CTDSP1: variants seen among roughly 807,000 people sequenced by gnomAD.
CTDSP1 encodes carboxy-terminal domain RNA polymerase II polypeptide A small phosphatase 1.
CTDSP1 carries 15 observed loss-of-function variants against 32.5 expected under a neutral mutation model. The ratio of observed to expected loss-of-function variants is 0.46; its 90% CI spans 0.31 to 0.71. The LOEUF (loss-of-function observed/expected upper bound fraction) is 0.71, where lower values mean the gene tolerates loss of function less well. CTDSP1 is among the 30% of genes least tolerant of loss of function. The pLI is 0.05. For synonymous variants in CTDSP1, 185 were observed against 145.4 expected (o/e 1.27, Z -1.96); for missense variants, 294 against 351.1 (o/e 0.84, Z 1.30).
intron 2 of CTDSP1, 33 bp downstream of exon 2, chr2:218,401,745 C>G (rs777898337): frequency 1.3e-6 from 2 of 1,522,008 alleles, no homozygotes; most frequent in Non-Finnish European, 1.8e-6. Flanking sequence ...CACGGGGGCA[C>G]CTGGACTCAG....
chr2:218,402,288 G>A (rs1411810881), intron 3 of CTDSP1, 61 bp from the exon 4 acceptor site: 8 of 1,612,092 alleles, frequency 5.0e-6, no homozygotes, highest in Non-Finnish European at 6.8e-6. Context: ...AGGGAGGTGT[G>A]TGCTGGACCC....
At chr2:218,403,155 C>G (rs1280344423) in intron 5 of CTDSP1, 28 bp downstream of exon 5, 2 of 1,613,426 alleles carry the variant, frequency 1.2e-6, no homozygotes, top group Non-Finnish European at 1.7e-6. Flanking sequence ...CCCGGGGCAA[C>G]CCTGCCCTCC....
chr2:218,401,714 T>C lies in CTDSP1; in HGVS notation c.216+2T>C. ...GAGGAGAATGGCGCCATCCCTAAGG[T>C]GCGTGGGGGCCAGGTGGGGCCACGG... On this transcript the variant is annotated splice_donor_variant, in intron 2 of 6. Transcript: ENST00000273062. LOFTEE classifies it high-confidence loss of function. 1.9e-6 allele frequency: 3 copies of C among 1,563,314 alleles called. No individual in the cohort carries two copies. Among genetic ancestry groups the C allele is most frequent in the Non-Finnish European group, 2.6e-6 (3 of 1,154,724 alleles).
In CTDSP1 at chr2:218,403,349, C is replaced by T; in HGVS notation, c.589C>T (p.Arg197Ter). 6.2e-7 allele frequency: 1 copy of T among 1,613,952 alleles called. No individual in the cohort carries two copies. The highest frequency in any genetic ancestry group is 8.5e-7 in the Non-Finnish European group (1 of 1,179,944). ...CGTGAAGGACCTGAGCCGGTTGGGT[C>T]GAGACCTGCGGCGGGTGCTCATCCT... ...NYVKDLSRLG[R>*]DLRRVLILDN... Residue 197 changes from arginine (R) to a stop codon, truncating the protein, a stop_gained, in exon 6 of 7, where the codon CGA becomes TGA. Transcript: ENST00000273062. LOFTEE classifies it high-confidence loss of function.
chr2:218,397,683 C>A (rs1032198118), upstream of CTDSP1, among the ~76,000 whole-genome samples: 8 of 152,122 alleles, frequency 5.3e-5, no homozygotes, highest in African/African-American at 1.2e-4. Flanking sequence ...GTGCATAAAG[C>A]GACCTCCACC....
intron 4 of CTDSP1, 98 bp from the exon 5 acceptor site, chr2:218,402,937 C>T: frequency 1.1e-6 from 1 of 870,534 alleles, no homozygotes; most frequent in Non-Finnish European, 1.9e-6. Context: ...AGTCTCCTTC[C>T]TGTGCGCCTC....
upstream of CTDSP1, chr2:218,399,863 T>C (rs1311979766): frequency 6.5e-6 from 8 of 1,232,696 alleles, no homozygotes; most frequent in African/African-American, 1.6e-5. Context: ...CTGGGTTCCA[T>C]GTTTGCATCC....
chr2:218,401,481 T>G, intron 1 of CTDSP1, 83 bp from the exon 2 acceptor site: 2 of 1,506,912 alleles, frequency 1.3e-6, no homozygotes, highest in South Asian at 1.2e-5. Flanking sequence ...TCCTCCTGGC[T>G]CAGGGGTTCA....
chr2:218,401,388 T>G, intron 1 of CTDSP1, 176 bp from the exon 2 acceptor site: 2 of 659,102 alleles, frequency 3.0e-6, no homozygotes, highest in East Asian at 2.8e-5. Context: ...AGCCTTGCAG[T>G]TGATTGTGGA....
chr2:218,397,659 A>G (rs1023344830), upstream of CTDSP1, among the ~76,000 whole-genome samples: 1 of 152,176 alleles, frequency 6.6e-6, no homozygotes, highest in Non-Finnish European at 1.5e-5. Context: ...ATGATAAAAC[A>G]GACAAAAAAT....
In CTDSP1 at chr2:218,404,553, C is replaced by T. The variant is rs529302292; in HGVS notation, c.*128C>T. The stretch of plus-strand genomic sequence containing the variant: ...ACACTCAGTGCCATGGGGAAGCGGG[C>T]GTCTCCCCCACCAGCCCCACCAGGC... On this transcript the variant is annotated 3_prime_UTR_variant, in exon 7 of 7. Transcript: ENST00000273062. The T allele has an allele frequency of 4.6e-5, 57 of 1,227,208 alleles. No individual in the cohort carries two copies. In the East Asian group the frequency reaches 5.4e-4, roughly 12 times the overall value. 76.0% of individuals were successfully genotyped at this position (1,227,208 alleles called of 1,614,324 possible).
chr2:218,402,659 C>G, intron 4 of CTDSP1: 1 of 766,344 alleles, frequency 1.3e-6, no homozygotes, highest in Non-Finnish European at 2.4e-6. Context: ...GGACCCAGTT[C>G]AAGTAATTCA....
At position 218,404,368 on chromosome 2, in the gene CTDSP1, A is replaced by G. The variant is rs906198194; in HGVS notation, c.729A>G (p.Gln243=). The change falls in exon 7 of 7, where the codon CAA becomes CAG. Residue 243 remains glutamine, a synonymous_variant. Transcript: ENST00000273062. ...ELHDLLPFFE[Q]LSRVDDVYSV... Reference sequence around the variant, plus strand: ...ACGACCTCCTCCCCTTCTTCGAGCAACTCAGCCGTGTGGACGACGTGTACT... The same window carrying G: ...ACGACCTCCTCCCCTTCTTCGAGCAGCTCAGCCGTGTGGACGACGTGTACT... 1 of 1,614,062 alleles carries G rather than the reference A, an allele frequency of 6.2e-7. No individual in the cohort carries two copies. Among genetic ancestry groups the G allele is most frequent in the Non-Finnish European group, 8.5e-7 (1 of 1,179,986 alleles).
In CTDSP1 at chr2:218,401,624, T is replaced by G; in HGVS notation, c.128T>G (p.Phe43Cys). Residue 43 changes from phenylalanine (F) to cysteine (C), a missense_variant, in exon 2 of 7, where the codon TTC becomes TGC. Phe to Cys is a radical substitution (Grantham distance 205). Coordinates refer to ENST00000273062, the MANE Select transcript of CTDSP1 (RefSeq NM_021198.3). ...PRSRGILHSLFCCVCRDDGEA... is the reference protein window; with the variant it reads ...PRSRGILHSLCCCVCRDDGEA... ...AGCCGGGGCATCCTCCACTCACTCTTCTGCTGTGTCTGCCGGGATGATGGG... is the reference window on the plus strand; with the variant it reads ...AGCCGGGGCATCCTCCACTCACTCTGCTGCTGTGTCTGCCGGGATGATGGG... 6.2e-7 allele frequency: 1 copy of G among 1,613,648 alleles called. No homozygotes were observed. The highest frequency in any genetic ancestry group is 8.5e-7 in the Non-Finnish European group (1 of 1,179,822).
At chr2:218,402,598 GCTC>G (rs758272601) in intron 4 of CTDSP1, 193 bp downstream of exon 4, 52 of 758,954 alleles carry the variant, frequency 6.9e-5, no homozygotes, top group Non-Finnish European at 8.0e-5. Context: ...TGCAGAGTGG[GCTC>G]CTCCTCTAGG....
chr2:218,402,808 G>A, intron 4 of CTDSP1: 5 of 695,176 alleles, frequency 7.2e-6, no homozygotes, highest in South Asian at 6.1e-5. Context: ...TGGGAATTAG[G>A]GACCTCGTGA....
rs1438987384 is a variant in CTDSP1, at chr2:218,405,305, T to C, written c.*880T>C. On this transcript the variant is annotated 3_prime_UTR_variant, in exon 7 of 7. Coordinates refer to ENST00000273062, the MANE Select transcript of CTDSP1 (RefSeq NM_021198.3). ...AGGGAGGGAAAGGATTTTTACATTTTTTAAACTGCTATTTTCTGAATGGAA... is the reference window on the plus strand; with the variant it reads ...AGGGAGGGAAAGGATTTTTACATTTCTTAAACTGCTATTTTCTGAATGGAA... The C allele has an allele frequency of 2.0e-5, 3 of 152,696 alleles. No homozygotes were observed. Among genetic ancestry groups the C allele is most frequent in the Non-Finnish European group, 4.4e-5 (3 of 68,092 alleles). 9.5% of individuals were successfully genotyped at this position (152,696 alleles called of 1,614,324 possible).
Position 218,403,032 on chromosome 2 carries a change from C to T in CTDSP1, c.379-3C>T, listed in dbSNP as rs530933090. On this transcript the variant is annotated splice_polypyrimidine_tract_variant and splice_region_variant and intron_variant, in intron 4 of 6. Transcript: ENST00000273062. ...GCAGCCCCCTCACTGGCCCGCCCCC[C>T]AGGTCTACGTGTTGAAGCGTCCTCA... is the stretch of plus-strand genomic sequence containing the variant. The T allele has an allele frequency of 6.2e-7, 1 of 1,613,666 alleles. No individual in the cohort carries two copies. Among genetic ancestry groups the T allele is most frequent in the African/African-American group, 1.3e-5 (1 of 75,052 alleles).
rs1012874192 is a variant in CTDSP1 at position 218,399,929 on chromosome 2, TC to T, written c.-157del. 15 of 684,630 alleles carry T rather than the reference TC, an allele frequency of 2.2e-5. No individual in the cohort carries two copies. The highest frequency in any genetic ancestry group is 8.1e-5 in the Admixed American group (1 of 12,336). The allele number at this position is 684,630 out of a possible 1,614,324, so 42.4% of individuals were successfully genotyped here. ...CAAAGTTTCCTCCGCGCCCCCTCCC[TC>T]CCCCTCCCCCCTAGAACCTGGCTCC... On this transcript the variant is annotated 5_prime_UTR_variant, in exon 1 of 7. Coordinates refer to ENST00000273062, the MANE Select transcript of CTDSP1 (RefSeq NM_021198.3).
Sources: gnomAD v4.1 joint callset for allele counts (sites outside exome capture counted in the v4.1 genomes callset) on GRCh38, gnomAD v4.1.1 for gene constraint, MANE v1.5 for transcripts, NCBI Gene and HGNC (gene_info 2026-07-23, HGNC 2026-07-21) for gene names.